The following BRINP3 variants were observed in gnomAD, a reference collection of about 807,000 sequenced individuals.
BRINP3 encodes BMP/retinoic acid-inducible neural-specific protein 3.
Under a neutral mutation model 71.0 loss-of-function variants are expected in BRINP3, and 19 were observed. The ratio of observed to expected loss-of-function variants is 0.27; its 90% CI spans 0.19 to 0.39. The LOEUF is 0.39. BRINP3 is among the 10% of genes least tolerant of loss of function. BRINP3 has a pLI of 1.00. For synonymous variants in BRINP3, 380 were observed against 337.7 expected, an observed-to-expected ratio of 1.13 and a Z score of -1.37; for missense variants, 959 against 940.8, an observed-to-expected ratio of 1.02 and a Z score of -0.25.
At chr1:190,258,414 A>G (rs1467862503) in intron 4 of BRINP3, among the ~76,000 whole-genome samples, 2 of 152,186 alleles carry the variant, frequency 1.3e-5, no homozygotes, top group Non-Finnish European at 2.9e-5. Flanking sequence ...AACTCATTGG[A>G]AAAATAAAAA....
rs376507606 is a variant in BRINP3 at position 190,226,947 on chromosome 1, T to G, written c.725-629A>C. Among the ~76,000 whole-genome samples, 10 of 152,084 alleles carry G rather than the reference T, an allele frequency of 6.6e-5. No homozygotes were observed. The South Asian group carries it at 8.3e-4, about 13-fold the overall frequency. ...GTGTCAACAGTCCTAGTGATATAAC[T>G]CATTAGTTTTCTAGAAACATGTTTA... On this transcript the variant is annotated intron_variant, in intron 5 of 7. Transcript: ENST00000367462.
rs534278424 is a variant in BRINP3, at chr1:190,371,548, C to A, written c.236+83107G>T. 4.6e-5 allele frequency among the ~76,000 whole-genome samples: 7 copies of A among 152,148 alleles called. No homozygotes were observed. The East Asian group carries it at 1.4e-3, about 29-fold the overall frequency. On this transcript the variant is annotated intron_variant, in intron 2 of 7. Transcript: ENST00000367462. ...ATTGGCCACTGCTTCTGTTTTTATG[C>A]CATTATCATGATGCTTTGATTACTA...
At chr1:190,468,553 A>C (rs1330067312) in intron 1 of BRINP3, among the ~76,000 whole-genome samples, 1 of 151,284 alleles carries the variant, frequency 6.6e-6, no homozygotes, top group Non-Finnish European at 1.5e-5. Context: ...CTCTAAAAGG[A>C]AACAAGAATC....
At chr1:190,182,626 T>A (rs1246037209) in intron 6 of BRINP3, among the ~76,000 whole-genome samples, 1 of 152,146 alleles carries the variant, frequency 6.6e-6, no homozygotes, top group Non-Finnish European at 1.5e-5. Flanking sequence ...CTCAGCGAGG[T>A]AATCTCTGGC....
At chr1:190,474,462 C>CA (rs1182751417) in intron 1 of BRINP3, 1 of 152,606 alleles carries the variant, frequency 6.6e-6, no homozygotes, top group Non-Finnish European at 1.5e-5. Flanking sequence ...AGAAAGTCCC[C>CA]AAAATCTGAA....
rs769108806 is a variant in BRINP3, at chr1:190,099,079, C to T, written c.1240G>A (p.Gly414Ser). Reference sequence around the variant, plus strand: ...TCTTCTGAAAAGCTGCCTAGGAGGCCGTTCTCATTGCAGTAGAGAAAAGAC... The same window carrying T: ...TCTTCTGAAAAGCTGCCTAGGAGGCTGTTCTCATTGCAGTAGAGAAAAGAC... ...IQSFLYCNEN[G>S]LLGSFSEETH... Residue 414 changes from glycine (G) to serine (S), a missense_variant, in exon 8 of 8, where the codon GGC becomes AGC. Gly to Ser is a moderately conservative substitution (Grantham distance 56). Transcript: ENST00000367462. The T allele has an allele frequency of 1.9e-6, 3 of 1,613,890 alleles. No individual in the cohort carries two copies. In the African/African-American group the frequency reaches 4.0e-5, roughly 22 times the overall value.
intron 7 of BRINP3, among the ~76,000 whole-genome samples, chr1:190,127,682 A>G (rs1350305289): frequency 2.0e-5 from 3 of 151,884 alleles, no homozygotes; most frequent in Non-Finnish European, 4.4e-5. Context: ...CTTCTGGAAG[A>G]AAGACTTAGT....
chr1:190,277,107 A>ATATATATATATATATATATATATATG (rs1662637750), intron 3 of BRINP3, among the ~76,000 whole-genome samples: 1 of 120,210 alleles, frequency 8.3e-6, no homozygotes, highest in East Asian at 2.6e-4. Context: ...ATATATATAT[A>ATATATATATATATATATATATATATG]TATATATATA....
At chr1:190,437,079 A>T (rs1674513048) in intron 2 of BRINP3, among the ~76,000 whole-genome samples, 1 of 151,796 alleles carries the variant, frequency 6.6e-6, no homozygotes, top group Non-Finnish European at 1.5e-5. Flanking sequence ...TAAACTGGCT[A>T]CTTCTTTAAA....
intron 7 of BRINP3, among the ~76,000 whole-genome samples, chr1:190,130,701 C>T (rs998425511): frequency 6.6e-6 from 1 of 152,030 alleles, no homozygotes; most frequent in African/African-American, 2.4e-5. Context: ...GATTGTGTTT[C>T]TCAGTCAGCT....
At chr1:190,276,426 A>G (rs1229338324) in intron 3 of BRINP3, among the ~76,000 whole-genome samples, 1 of 151,670 alleles carries the variant, frequency 6.6e-6, no homozygotes, top group Non-Finnish European at 1.5e-5. Context: ...AGAATTGACT[A>G]TTTCTGAAAT....
chr1:190,103,084 T>C (rs78066112), intron 7 of BRINP3, among the ~76,000 whole-genome samples: 2,730 of 152,194 alleles, frequency 0.018, 88 homozygotes, highest in African/African-American at 0.063. Flanking sequence ...AAAAGAGGAC[T>C]AGAGTAGGAG....
At chr1:190,343,393 G>T (rs1558199409) in intron 2 of BRINP3, among the ~76,000 whole-genome samples, 1 of 151,750 alleles carries the variant, frequency 6.6e-6, no homozygotes, top group Non-Finnish European at 1.5e-5. Flanking sequence ...AAATTAGCCT[G>T]ATTTTGAATC....
At chr1:190,425,734 C>T (rs927660540) in intron 2 of BRINP3, among the ~76,000 whole-genome samples, 3 of 151,764 alleles carry the variant, frequency 2.0e-5, no homozygotes, top group African/African-American at 7.2e-5. Context: ...GTTGGCAAAA[C>T]CTTTGTTTGA....
intron 2 of BRINP3, among the ~76,000 whole-genome samples, chr1:190,368,065 C>T (rs112363472): frequency 0.019 from 2,932 of 152,210 alleles, 31 homozygotes; most frequent in Middle Eastern, 0.034. Context: ...CCCCACTACC[C>T]AGCACCGATG....
At chr1:190,421,989 T>C (rs900148184) in intron 2 of BRINP3, among the ~76,000 whole-genome samples, 2 of 151,854 alleles carry the variant, frequency 1.3e-5, no homozygotes, top group African/African-American at 4.8e-5. Context: ...CTAGCACCCA[T>C]TTCTAAGAAG....
intron 4 of BRINP3, among the ~76,000 whole-genome samples, chr1:190,237,910 T>C (rs1658681696): frequency 6.6e-6 from 1 of 152,154 alleles, no homozygotes; most frequent in East Asian, 1.9e-4. Flanking sequence ...TTTTCTCTTC[T>C]AGAGACCTAC....
In BRINP3 at chr1:190,311,746, A is replaced by G. The variant is rs1241593678; in HGVS notation, c.237-29996T>C. On this transcript the variant is annotated intron_variant, in intron 2 of 7. Coordinates refer to ENST00000367462, the MANE Select transcript of BRINP3 (RefSeq NM_199051.3). ...ATCTTCTAAATTGTATAAGAGTAAA[A>G]TAACTGGTGACACTAAAGATAGAGA... Among the ~76,000 whole-genome samples the G allele has an allele frequency of 5.3e-5, 8 of 151,142 alleles. No individual in the cohort carries two copies. In the Admixed American group the frequency reaches 5.3e-4, roughly 10 times the overall value.
At chr1:190,166,035 G>T (rs989523293) in intron 6 of BRINP3, among the ~76,000 whole-genome samples, 13 of 152,010 alleles carry the variant, frequency 8.6e-5, no homozygotes, top group African/African-American at 2.9e-4. Flanking sequence ...GATTTGTATT[G>T]GTTTTGAAAT....
Sources: gnomAD v4.1 joint callset for allele counts (sites outside exome capture counted in the v4.1 genomes callset) on GRCh38, gnomAD v4.1.1 for gene constraint, MANE v1.5 for transcripts, NCBI Gene and HGNC (gene_info 2026-07-23, HGNC 2026-07-21) for gene names.